STN1: variants seen among roughly 807,000 people sequenced by gnomAD.
STN1 encodes the protein CST complex subunit STN1.
STN1 carries 29 observed loss-of-function variants against 45.5 expected under a neutral mutation model. The observed-to-expected ratio is 0.64, with a 90% CI of 0.47 to 0.87. The LOEUF (loss-of-function observed/expected upper bound fraction) is 0.87, where lower values mean the gene tolerates loss of function less well. Among genes scored for constraint, STN1 ranks in the 40% least tolerant of loss-of-function variants. STN1 has a pLI of 0.00. For synonymous variants in STN1, 148 were observed against 159.0 expected, an observed-to-expected ratio of 0.93 and a Z score of 0.52; for missense variants, 376 against 441.4, an observed-to-expected ratio of 0.85 and a Z score of 1.33.
At chr10:103,889,638 T>C (rs1843126008) in intron 8 of STN1, among the ~76,000 whole-genome samples, 1 of 150,292 alleles carries the variant, frequency 6.7e-6, no homozygotes, top group South Asian at 2.1e-4. Context: ...AGCTAGCCTA[T>C]CCACTGAAAC....
chr10:103,917,361 C>T, intron 2 of STN1, 101 bp downstream of exon 2: 2 of 1,101,636 alleles, frequency 1.8e-6, no homozygotes, highest in South Asian at 3.3e-5. Context: ...AAGCCTGCAG[C>T]AGGGAAGGCT....
At chr10:103,911,414 G>A (rs143325998) in intron 2 of STN1, among the ~76,000 whole-genome samples, 4 of 152,238 alleles carry the variant, frequency 2.6e-5, no homozygotes, top group African/African-American at 7.2e-5. Context: ...TAAGCTACAC[G>A]CACTGTGTTC....
chr10:103,894,843 A>C (rs889169753), intron 7 of STN1, among the ~76,000 whole-genome samples: 2 of 152,176 alleles, frequency 1.3e-5, no homozygotes, highest in Non-Finnish European at 1.5e-5. Flanking sequence ...ACATTCATCC[A>C]GCTGTCAAAG....
chr10:103,911,263 C>CT (rs1843289307), intron 2 of STN1, among the ~76,000 whole-genome samples: 1 of 152,116 alleles, frequency 6.6e-6, no homozygotes, highest in Non-Finnish European at 1.5e-5. Context: ...TACCCAGAGG[C>CT]TTTTTTCTGA....
chr10:103,902,630 C>A (rs926401369), intron 4 of STN1, among the ~76,000 whole-genome samples: 2 of 152,172 alleles, frequency 1.3e-5, no homozygotes, highest in African/African-American at 4.8e-5. Context: ...AAGCTAAGTC[C>A]AAATGGTACA....
At chr10:103,899,079 T>A (rs1287975799) in intron 5 of STN1, 79 bp from the exon 6 acceptor site, 14 of 1,509,626 alleles carry the variant, frequency 9.3e-6, no homozygotes, top group Non-Finnish European at 1.3e-5. Context: ...CCCAAACTGC[T>A]GCTAAGACAA....
In STN1 at chr10:103,882,788, T is replaced by C. The variant is rs1843078885; in HGVS notation, c.1003A>G (p.Ile335Val). The change falls in exon 10 of 10, where the codon ATC becomes GTC. Residue 335 changes from isoleucine to valine, a missense_variant. Physicochemically the swap from Ile to Val is conservative, Grantham distance 29 (BLOSUM62 3). Transcript: ENST00000224950. Reference protein sequence around the residue: ...LHILACARLSIRPGLSEAVLQ... With the variant: ...LHILACARLSVRPGLSEAVLQ... The stretch of plus-strand genomic sequence containing the variant: ...ACAGCCTCGCTCAGGCCCGGGCGGA[T>C]GCTCAGGCGAGCACAGGCCAAGATG... 2.5e-6 allele frequency: 4 copies of C among 1,614,066 alleles called. No homozygotes were observed. The highest frequency in any genetic ancestry group is 2.7e-5 in the African/African-American group (2 of 74,948).
intron 4 of STN1, among the ~76,000 whole-genome samples, chr10:103,901,173 G>T (rs1448018194): frequency 6.6e-6 from 1 of 152,158 alleles, no homozygotes; most frequent in Non-Finnish European, 1.5e-5. Context: ...CGGCTGGTGG[G>T]TGTAAAAGAC....
intron 5 of STN1, among the ~76,000 whole-genome samples, chr10:103,899,654 T>C (rs1015590279): frequency 1.3e-5 from 2 of 151,844 alleles, no homozygotes; most frequent in South Asian, 2.1e-4. Flanking sequence ...GCCACTGCAT[T>C]CCACCCTGGG....
chr10:103,903,572 C>T (rs1843223140), intron 4 of STN1, among the ~76,000 whole-genome samples: 1 of 152,140 alleles, frequency 6.6e-6, no homozygotes, highest in South Asian at 2.1e-4. Flanking sequence ...CATTCTCACG[C>T]TCTTCTGCCA....
At chr10:103,892,074 A>AAATATATTTATTACTTATG in intron 8 of STN1, 56 bp downstream of exon 8, 1 of 1,339,308 alleles carries the variant, frequency 7.5e-7, no homozygotes, top group Non-Finnish European at 1.0e-6. Context: ...CATAAGTAAT[A>AAATATATTTATTACTTATG]AATATATTTG....
intron 9 of STN1, 64 bp downstream of exon 9, chr10:103,889,008 C>T (rs1843120864): frequency 8.7e-7 from 1 of 1,154,778 alleles, no homozygotes; most frequent in Non-Finnish European, 1.3e-6. Context: ...CCATCCAGTG[C>T]TCCCCGGGAG....
chr10:103,887,901 C>A (rs191065489), intron 9 of STN1, among the ~76,000 whole-genome samples: 54 of 152,336 alleles, frequency 3.5e-4, no homozygotes, highest in African/African-American at 1.3e-3. Flanking sequence ...AATAGGGTGA[C>A]TGCAGAGATG....
chr10:103,897,001 T>G (rs1391102165), intron 7 of STN1, among the ~76,000 whole-genome samples: 1 of 152,166 alleles, frequency 6.6e-6, no homozygotes, highest in African/African-American at 2.4e-5. Flanking sequence ...CCATCCAAGA[T>G]GATTTATTCA....
Position 103,898,975 on chromosome 10 carries a change from G to T in STN1, c.483C>A (p.Asn161Lys). 1 of 1,614,100 alleles carries T rather than the reference G, an allele frequency of 6.2e-7. No individual in the cohort carries two copies. The highest frequency in any genetic ancestry group is 2.2e-5 in the East Asian group (1 of 44,894). ...GCTCAAGCATCCTTGCAATTTGAAT[G>T]TTCCACACTGGGTCGTCCACTTTAT... ...TYYKVDDPVW[N>K]IQIARMLELP... The change falls in exon 6 of 10, where the codon AAC becomes AAA. Residue 161 changes from asparagine to lysine, a missense_variant. By Grantham distance (94) the Asn-to-Lys change is moderately conservative. Coordinates refer to ENST00000224950, the MANE Select transcript of STN1 (RefSeq NM_024928.5).
chr10:103,917,468 C>G lies in STN1; in HGVS notation c.127G>C (p.Val43Leu). ...DILDMKESRQ[V>L]PGVFLYNGHP... Reference sequence around the variant, plus strand: ...AGGGTGGCTAGCCACATACCTGGCACCTGGCGGGACTCCTTCATGTCCAGG... The same window carrying G: ...AGGGTGGCTAGCCACATACCTGGCAGCTGGCGGGACTCCTTCATGTCCAGG... The change falls in exon 2 of 10, where the codon GTG becomes CTG. Residue 43 changes from valine to leucine, a missense_variant. Physicochemically the swap from Val to Leu is conservative, Grantham distance 32 (BLOSUM62 1). Coordinates refer to ENST00000224950, the MANE Select transcript of STN1 (RefSeq NM_024928.5). 6.2e-7 allele frequency: 1 copy of G among 1,613,340 alleles called. No homozygotes were observed.
intron 8 of STN1, among the ~76,000 whole-genome samples, chr10:103,889,953 A>G (rs1339979367): frequency 6.6e-6 from 1 of 151,900 alleles, no homozygotes; most frequent in Non-Finnish European, 1.5e-5. Context: ...ATTCCACCCG[A>G]CTTGGCCTCC....
chr10:103,888,453 T>G (rs1361629726), intron 9 of STN1, among the ~76,000 whole-genome samples: 1 of 152,252 alleles, frequency 6.6e-6, no homozygotes, highest in Non-Finnish European at 1.5e-5. Context: ...GTATTGTTCC[T>G]TGTCAGAGTA....
At chr10:103,912,247 G>A (rs1331247127) in intron 2 of STN1, among the ~76,000 whole-genome samples, 1 of 151,998 alleles carries the variant, frequency 6.6e-6, no homozygotes, top group African/African-American at 2.4e-5. Context: ...TCATAGAGAT[G>A]GGGTCTCTCC....
Sources: allele counts gnomAD v4.1 joint callset (sites outside exome capture counted in the v4.1 genomes callset), GRCh38; gene constraint gnomAD v4.1.1; transcripts MANE v1.5; gene names NCBI Gene and HGNC (gene_info 2026-07-23, HGNC 2026-07-21).